The following AFF1 variants were observed in gnomAD, a reference collection of about 807,000 sequenced individuals.
AFF1 encodes AF4/FMR2 family member 1.
Under a neutral mutation model 121.7 loss-of-function variants are expected in AFF1, and 48 were observed. The ratio of observed to expected loss-of-function variants is 0.39; its 90% CI spans 0.31 to 0.50. The LOEUF (loss-of-function observed/expected upper bound fraction) is 0.50, where lower values mean the gene tolerates loss of function less well. Ranked by LOEUF, AFF1 falls within the 20% of genes least tolerant of loss-of-function variation. The probability of loss-of-function intolerance (pLI) is 0.76; values close to 1 mark genes in which losing one functional copy is unlikely to be tolerated. For missense variants in AFF1, 1,523 were observed against 1,511.7 expected (o/e 1.01, Z -0.12); for synonymous variants, 613 against 563.0 (o/e 1.09, Z -1.26).
chr4:87,022,109 G>A (rs574749808), intron 2 of AFF1, among the ~76,000 whole-genome samples: 1 of 151,638 alleles, frequency 6.6e-6, no homozygotes, highest in African/African-American at 2.4e-5. Flanking sequence ...GGAGACTGAG[G>A]TGGGAGAATG....
intron 2 of AFF1, among the ~76,000 whole-genome samples, chr4:87,015,613 T>C (rs1452972996): frequency 1.3e-5 from 2 of 152,202 alleles, no homozygotes; most frequent in Non-Finnish European, 2.9e-5. Context: ...GCTGATGGTG[T>C]GAGTTTTTTA....
At chr4:87,100,139 A>G (rs974580912) in intron 8 of AFF1, among the ~76,000 whole-genome samples, 1 of 152,108 alleles carries the variant, frequency 6.6e-6, no homozygotes, top group Non-Finnish European at 1.5e-5. Flanking sequence ...ACCCTAGGCT[A>G]ATTTAAACGT....
chr4:87,081,100 G>A (rs1205292662), intron 4 of AFF1, among the ~76,000 whole-genome samples: 1 of 150,702 alleles, frequency 6.6e-6, no homozygotes, highest in Non-Finnish European at 1.5e-5. Context: ...TGGGTAAAAG[G>A]TATGTGGGAA....
chr4:87,073,192 A>C (rs1722270009), intron 4 of AFF1, among the ~76,000 whole-genome samples: 1 of 149,262 alleles, frequency 6.7e-6, no homozygotes, highest in Admixed American at 6.7e-5. Context: ...TTCTGATATT[A>C]AATGAATTGT....
At chr4:87,068,037 G>A (rs115285733) in intron 4 of AFF1, among the ~76,000 whole-genome samples, 2,981 of 151,144 alleles carry the variant, frequency 0.02, 51 homozygotes, top group Middle Eastern at 0.041. Flanking sequence ...ATATTAACAA[G>A]TAACCTCAGT....
At chr4:87,057,176 A>G (rs1720235294) in intron 4 of AFF1, among the ~76,000 whole-genome samples, 2 of 152,208 alleles carry the variant, frequency 1.3e-5, no homozygotes, top group African/African-American at 2.4e-5. Context: ...AAGACATAGA[A>G]GCAAGACACG....
chr4:87,014,578 T>C (rs340652), intron 2 of AFF1, among the ~76,000 whole-genome samples: 135,982 of 152,230 alleles, frequency 0.89, 61,530 homozygotes, highest in Non-Finnish European at 0.96. Context: ...CTTTTCAATT[T>C]TTGGAACTTT....
chr4:87,063,230 T>TC (rs2149658355), intron 4 of AFF1, among the ~76,000 whole-genome samples: 1 of 93,880 alleles, frequency 1.1e-5, no homozygotes, highest in South Asian at 3.4e-4. Context: ...ATTCACCTCT[T>TC]TTTTTTTTTT....
chr4:86,963,166 CAAAAAAAAAAAAAA>C (rs11341612), intron 2 of AFF1, among the ~76,000 whole-genome samples: 3 of 63,292 alleles, frequency 4.7e-5, no homozygotes, highest in East Asian at 5.1e-4. Flanking sequence ...ACTCCCATCT[CAAAAAAAAAAAAAA>C]AAAAAAAAAA....
At chr4:86,972,901 A>G (rs1401824751) in intron 2 of AFF1, among the ~76,000 whole-genome samples, 1 of 152,194 alleles carries the variant, frequency 6.6e-6, no homozygotes. Context: ...GGCTACTTGC[A>G]AATTTAAAAG....
In AFF1 at chr4:87,103,030, A is replaced by G. The variant is rs994235997; in HGVS notation, c.1284-2598A>G. ...CCTAAAAATCCTTCACCTGTCATCA[A>G]ACTGTCTTCAGCTACATAGATTTTC... On this transcript the variant is annotated intron_variant, in intron 8 of 20. Transcript: ENST00000395146. Among the ~76,000 whole-genome samples the G allele has an allele frequency of 6.6e-5, 10 of 152,326 alleles. No homozygotes were observed. The East Asian group carries it at 1.4e-3, about 21-fold the overall frequency.
At chr4:86,968,909 A>G (rs1306084345) in intron 2 of AFF1, among the ~76,000 whole-genome samples, 1 of 152,194 alleles carries the variant, frequency 6.6e-6, no homozygotes, top group Non-Finnish European at 1.5e-5. Flanking sequence ...GGAGCAGAAG[A>G]TGACAGAGTG....
chr4:87,006,863 C>T (rs1726179251), intron 2 of AFF1: 4 of 736,140 alleles, frequency 5.4e-6, no homozygotes, highest in Non-Finnish European at 5.0e-6. Flanking sequence ...CTGCCTGCCG[C>T]TTGCCGCCTG....
chr4:87,047,239 GCAA>G lies in AFF1; in HGVS notation c.705_707del (p.Ser235_Lys236delinsArg). ...ACTCTTCCCCGGACGCAAGGAAGCA[GCAA>G]GGTTCATGGCAGCAGCAATAACAGT... On this transcript the variant is annotated inframe_deletion, in exon 4 of 21. Coordinates refer to ENST00000395146, the MANE Select transcript of AFF1 (RefSeq NM_001166693.3). 6.2e-7 allele frequency: 1 copy of G among 1,614,070 alleles called. No homozygotes were observed. Among genetic ancestry groups the G allele is most frequent in the Non-Finnish European group, 8.5e-7 (1 of 1,180,052 alleles).
chr4:87,064,851 C>G (rs1422593636), intron 4 of AFF1, among the ~76,000 whole-genome samples: 1 of 138,214 alleles, frequency 7.2e-6, no homozygotes, highest in Non-Finnish European at 1.5e-5. Context: ...CCAGCCTGGG[C>G]AACAAGAGTG....
chr4:86,991,479 A>G (rs9715807), intron 2 of AFF1, among the ~76,000 whole-genome samples: 85,454 of 151,856 alleles, frequency 0.56, 28,980 homozygotes, highest in South Asian at 0.77. Context: ...CAGCCAACAT[A>G]TATAGCCTTC....
chr4:87,033,490 C>G (rs1039334374), intron 2 of AFF1, among the ~76,000 whole-genome samples: 2 of 152,172 alleles, frequency 1.3e-5, no homozygotes, highest in African/African-American at 4.8e-5. Flanking sequence ...CCAAGCTGTT[C>G]TATAGAATGT....
At chr4:87,128,335 G>A (rs751803755) in intron 16 of AFF1, among the ~76,000 whole-genome samples, 2 of 152,122 alleles carry the variant, frequency 1.3e-5, no homozygotes, top group Non-Finnish European at 2.9e-5. Flanking sequence ...AAAAGGTGGT[G>A]GTTTTGTAGT....
At chr4:87,027,977 T>C (rs1450513667) in intron 2 of AFF1, among the ~76,000 whole-genome samples, 4 of 151,928 alleles carry the variant, frequency 2.6e-5, no homozygotes, top group Non-Finnish European at 4.4e-5. Context: ...CTGAAACTTT[T>C]TGAGTGATGA....
Sources: allele counts gnomAD v4.1 joint callset (sites outside exome capture counted in the v4.1 genomes callset), GRCh38; gene constraint gnomAD v4.1.1; transcripts MANE v1.5; gene names NCBI Gene and HGNC (gene_info 2026-07-23, HGNC 2026-07-21).